PMS1: variants seen among roughly 807,000 people sequenced by gnomAD.
PMS1 encodes PMS1 homolog 1, mismatch repair system component.
In PMS1, 79 loss-of-function variants were observed where a neutral mutation model predicts 93.1. The ratio of observed to expected loss-of-function variants is 0.85; its 90% CI spans 0.71 to 1.02. PMS1 has a LOEUF of 1.02. PMS1 is among the 50% of genes least tolerant of loss of function. The pLI is 0.00. For missense variants in PMS1, 1,064 were observed against 1,085.3 expected (o/e 0.98, Z 0.28); for synonymous variants, 335 against 363.4 (o/e 0.92, Z 0.89).
At chr2:189,872,574 G>C (rs2057241820) in intron 11 of PMS1, among the ~76,000 whole-genome samples, 1 of 152,122 alleles carries the variant, frequency 6.6e-6, no homozygotes, top group Non-Finnish European at 1.5e-5. Context: ...AATATGTGCT[G>C]TTATGGATTA....
At chr2:189,811,206 T>A (rs1294893905) in intron 4 of PMS1, among the ~76,000 whole-genome samples, 1 of 149,500 alleles carries the variant, frequency 6.7e-6, no homozygotes, top group East Asian at 2.0e-4. Flanking sequence ...ATCAGAGACC[T>A]GTGGGGCAAC....
intron 4 of PMS1, among the ~76,000 whole-genome samples, chr2:189,817,732 A>G (rs2051450310): frequency 6.6e-6 from 1 of 152,216 alleles, no homozygotes; most frequent in East Asian, 1.9e-4. Flanking sequence ...CAGATTTCTT[A>G]TGATACTGCG....
chr2:189,855,120 A>G lies in PMS1; in HGVS notation c.1848A>G (p.Glu616=), dbSNP rs767309798. The change falls in exon 9 of 13, where the codon GAA becomes GAG. Residue 616 remains glutamate (E), a synonymous_variant. Coordinates refer to ENST00000441310, the MANE Select transcript of PMS1 (RefSeq NM_000534.5). ...TGTGGAAGACATTGAGTGAAGAGGA[A>G]AAACTGAAGTAAGTTTCCAGAGCTT... The part of the protein sequence containing the change: ...EELWKTLSEE[E]KLKYEEKATK... The G allele has an allele frequency of 1.2e-6, 2 of 1,612,798 alleles. No individual in the cohort carries two copies. Among genetic ancestry groups the G allele is most frequent in the South Asian group, 1.1e-5 (1 of 91,042 alleles).
intron 5 of PMS1, among the ~76,000 whole-genome samples, chr2:189,834,783 G>A (rs1221947171): frequency 6.6e-6 from 1 of 151,668 alleles, no homozygotes; most frequent in African/African-American, 2.4e-5. Flanking sequence ...AGGCTTGAGT[G>A]CAGAGGCATG....
intron 5 of PMS1, among the ~76,000 whole-genome samples, chr2:189,838,556 G>A (rs887218081): frequency 4.6e-5 from 7 of 152,056 alleles, no homozygotes; most frequent in Non-Finnish European, 7.4e-5. Flanking sequence ...TCAGAAATCT[G>A]GGAGGCATTC....
At chr2:189,832,190 G>A (rs940000297) in intron 5 of PMS1, among the ~76,000 whole-genome samples, 6 of 152,182 alleles carry the variant, frequency 3.9e-5, no homozygotes, top group Non-Finnish European at 8.8e-5. Flanking sequence ...GTCTTAATTT[G>A]AAGGAGAATA....
intron 9 of PMS1, chr2:189,855,941 T>C (rs2055284025): frequency 4.3e-6 from 3 of 700,536 alleles, no homozygotes; most frequent in Middle Eastern, 3.2e-4. Context: ...CAATATTATG[T>C]CAAATGTGTG....
chr2:189,856,699 T>C (rs10210548), intron 9 of PMS1, among the ~76,000 whole-genome samples: 4,944 of 152,132 alleles, frequency 0.032, 269 homozygotes, highest in African/African-American at 0.11. Context: ...GAAAAAACCA[T>C]AGATGTTTCA....
chr2:189,796,066 T>A (rs1434916255), intron 3 of PMS1, 115 bp downstream of exon 3: 2 of 858,960 alleles, frequency 2.3e-6, no homozygotes, highest in African/African-American at 3.4e-5. Context: ...TGGTAAAATA[T>A]ACATAACATA....
chr2:189,816,711 A>T (rs1241403764), intron 4 of PMS1, among the ~76,000 whole-genome samples: 8 of 152,118 alleles, frequency 5.3e-5, no homozygotes, highest in Admixed American at 5.2e-4. Flanking sequence ...TTTACACTAC[A>T]GTTTCAAAGT....
At chr2:189,857,654 T>C (rs906158416) in intron 9 of PMS1, 2 of 348,486 alleles carry the variant, frequency 5.7e-6, no homozygotes, top group Non-Finnish European at 1.1e-5. Context: ...TAGGAAATAT[T>C]AAGGGTTTTC....
Position 189,793,334 on chromosome 2 carries a change from G to A in PMS1, c.132+1393G>A, listed in dbSNP as rs111918335. ...CTTACTCATACAACTTCATAGTCTA[G>A]ATGGGGCCTGAGAATTTGCATTTCT... is the stretch of plus-strand genomic sequence containing the variant. On this transcript the variant is annotated intron_variant, in intron 2 of 12. Transcript: ENST00000441310. Among the ~76,000 whole-genome samples, 22 of 152,306 alleles carry A rather than the reference G, an allele frequency of 1.4e-4. 1 individual carries two copies. The highest frequency in any genetic ancestry group is 5.3e-4 in the African/African-American group (22 of 41,578).
intron 3 of PMS1, among the ~76,000 whole-genome samples, chr2:189,800,047 A>G (rs893264107): frequency 2.6e-5 from 4 of 152,216 alleles, no homozygotes; most frequent in African/African-American, 9.6e-5. Flanking sequence ...AAGTCTTCTT[A>G]CCCAACTTCA....
At chr2:189,850,153 G>A (rs2106438955) in intron 6 of PMS1, among the ~76,000 whole-genome samples, 1 of 152,168 alleles carries the variant, frequency 6.6e-6, no homozygotes, top group South Asian at 2.1e-4. Context: ...TTATATATTT[G>A]CAGTTGGAAT....
intron 5 of PMS1, among the ~76,000 whole-genome samples, chr2:189,823,865 G>A (rs1013992059): frequency 6.6e-6 from 1 of 152,128 alleles, no homozygotes; most frequent in Admixed American, 6.5e-5. Context: ...ATAAAGTCAG[G>A]CTGGATAAAT....
intron 5 of PMS1, among the ~76,000 whole-genome samples, chr2:189,830,474 A>G (rs571163227): frequency 6.6e-6 from 1 of 152,104 alleles, no homozygotes; most frequent in Non-Finnish European, 1.5e-5. Context: ...TAAAATTGCA[A>G]CCATTTCCCC....
chr2:189,874,031 A>G (rs988736250), intron 12 of PMS1, among the ~76,000 whole-genome samples: 2 of 152,192 alleles, frequency 1.3e-5, no homozygotes, highest in African/African-American at 4.8e-5. Flanking sequence ...ATTTCTTAAA[A>G]TAGTAAATTA....
intron 3 of PMS1, among the ~76,000 whole-genome samples, chr2:189,798,571 A>C (rs1575052984): frequency 6.6e-6 from 1 of 152,118 alleles, no homozygotes; most frequent in African/African-American, 2.4e-5. Context: ...TCAATTGGGC[A>C]TTGTCCGTTT....
At chr2:189,856,610 T>G (rs1357113512) in intron 9 of PMS1, among the ~76,000 whole-genome samples, 1 of 152,282 alleles carries the variant, frequency 6.6e-6, no homozygotes, top group Non-Finnish European at 1.5e-5. Context: ...GTGAGGGGAC[T>G]TAACTTTTAA....
Sources: gnomAD v4.1 joint callset for allele counts (sites outside exome capture counted in the v4.1 genomes callset) on GRCh38, gnomAD v4.1.1 for gene constraint, MANE v1.5 for transcripts, NCBI Gene and HGNC (gene_info 2026-07-23, HGNC 2026-07-21) for gene names.